The following EML5 variants were observed in gnomAD, a reference collection of about 807,000 sequenced individuals.
The protein encoded by EML5 is echinoderm microtubule-associated protein-like 5.
A neutral mutation model predicts 250.0 loss-of-function variants in EML5; 120 were observed. The observed-to-expected ratio is 0.48, with a 90% CI of 0.41 to 0.56. The LOEUF is 0.56. Among genes scored for constraint, EML5 ranks in the 20% least tolerant of loss-of-function variants. The probability of loss-of-function intolerance (pLI) is 0.00; values close to 1 mark genes in which losing one functional copy is unlikely to be tolerated. For missense variants in EML5, 2,006 were observed against 2,437.6 expected, an observed-to-expected ratio of 0.82 and a Z score of 3.73; for synonymous variants, 771 against 806.5, an observed-to-expected ratio of 0.96 and a Z score of 0.75.
In EML5 at chr14:88,679,069, T is replaced by C. The variant is rs73321685; in HGVS notation, c.3124+2821A>G. On this transcript the variant is annotated intron_variant, in intron 21 of 43. Transcript: ENST00000554922. ...TCACTCCAATCCTCTGCTTCCATCA[T>C]CACGCTGCATTCTCCCAGTGTGTCT... Among the ~76,000 whole-genome samples the C allele has an allele frequency of 1.4e-3, 216 of 151,632 alleles. 2 individuals are homozygous for C. Among genetic ancestry groups the C allele is most frequent in the African/African-American group, 5.1e-3 (212 of 41,296 alleles).
chr14:88,626,956 C>T lies in EML5; in HGVS notation c.4622G>A (p.Gly1541Glu), dbSNP rs1225325668. Residue 1541 changes from glycine (G) to glutamate (E), a missense_variant, in exon 35 of 44, where the codon GGA becomes GAA. By Grantham distance (98) the Gly-to-Glu change is moderately conservative (BLOSUM62 -2). Coordinates refer to ENST00000554922, the MANE Select transcript of EML5 (RefSeq NM_183387.3). ...GGTCCAGAACTTCACATGTTTTACTCCCACTGAGACAAACTGGGTATCTGA... is the reference window on the plus strand; with the variant it reads ...GGTCCAGAACTTCACATGTTTTACTTCCACTGAGACAAACTGGGTATCTGA... The part of the protein sequence containing the change: ...PDSDTQFVSV[G>E]VKHVKFWTLA... The T allele has an allele frequency of 6.2e-7, 1 of 1,613,940 alleles. No individual in the cohort carries two copies. The highest frequency in any genetic ancestry group is 1.7e-5 in the Admixed American group (1 of 60,008).
intron 8 of EML5, 48 bp downstream of exon 8, chr14:88,726,493 G>A: frequency 1.3e-6 from 2 of 1,510,362 alleles, no homozygotes; most frequent in Non-Finnish European, 9.0e-7. Flanking sequence ...CTTATATTCT[G>A]TATCACTGAA....
intron 1 of EML5, among the ~76,000 whole-genome samples, chr14:88,784,564 A>G (rs577057619): frequency 5.2e-4 from 79 of 152,206 alleles, no homozygotes; most frequent in Non-Finnish European, 1.0e-3. Context: ...CTAGACATAT[A>G]CAACCTACCA....
chr14:88,626,694 G>T, intron 35 of EML5, 144 bp downstream of exon 35: 7 of 800,324 alleles, frequency 8.7e-6, no homozygotes, highest in South Asian at 4.2e-5. Flanking sequence ...CTAGATTTTT[G>T]AAAGATGAAA....
intron 28 of EML5, among the ~76,000 whole-genome samples, chr14:88,648,145 G>A (rs2091445436): frequency 6.6e-6 from 1 of 152,070 alleles, no homozygotes; most frequent in African/African-American, 2.4e-5. Flanking sequence ...AATCATGAAA[G>A]TCATTTCATC....
rs1287074306 is a variant in EML5 at position 88,662,397 on chromosome 14, A to C, written c.3499-567T>G. Among the ~76,000 whole-genome samples the C allele has an allele frequency of 7.5e-5, 11 of 146,034 alleles. No individual in the cohort carries two copies. In the Admixed American group the frequency reaches 7.6e-4, roughly 10 times the overall value. On this transcript the variant is annotated intron_variant, in intron 24 of 43. Coordinates refer to ENST00000554922, the MANE Select transcript of EML5 (RefSeq NM_183387.3). ...AGCAAAAACAGTAATCTGCCAACAA[A>C]CTTCTTAGGCATATGGATTCCTAAG...
chr14:88,761,506 G>A (rs879544566), intron 1 of EML5, among the ~76,000 whole-genome samples: 8 of 151,948 alleles, frequency 5.3e-5, no homozygotes, highest in East Asian at 1.9e-4. Flanking sequence ...CAGCTTCATC[G>A]TCCCTGCAAA....
At chr14:88,751,670 A>G (rs2140351491) in intron 2 of EML5, among the ~76,000 whole-genome samples, 1 of 152,316 alleles carries the variant, frequency 6.6e-6, no homozygotes, top group African/African-American at 2.4e-5. Flanking sequence ...TCATGGGCCT[A>G]TATACTCACC....
chr14:88,616,954 C>A, intron 41 of EML5, 75 bp from the exon 42 acceptor site: 1 of 1,421,566 alleles, frequency 7.0e-7, no homozygotes, highest in South Asian at 1.3e-5. Context: ...AGTTTCTTGG[C>A]AATTAATCTC....
chr14:88,705,488 A>G lies in EML5; in HGVS notation c.1926T>C (p.Arg642=). 1.9e-5 allele frequency: 30 copies of G among 1,597,392 alleles called. No individual in the cohort carries two copies. Among genetic ancestry groups the G allele is most frequent in the Non-Finnish European group, 2.6e-5 (30 of 1,170,522 alleles). Reference sequence around the variant, plus strand: ...ATGTGATATGGAAAATTACCTGTCGACGGTAGGTGAGCTGTGTCTCTTGTT... The same window carrying G: ...ATGTGATATGGAAAATTACCTGTCGGCGGTAGGTGAGCTGTGTCTCTTGTT... ...EIEQETQLTY[R]RQVYKEDLPQ... The change falls in exon 12 of 44, where the codon CGT becomes CGC. Residue 642 remains arginine (R), a synonymous_variant. Transcript: ENST00000554922.
At chr14:88,692,213 T>TA (rs2092975419) in intron 17 of EML5, among the ~76,000 whole-genome samples, 1 of 152,060 alleles carries the variant, frequency 6.6e-6, no homozygotes, top group South Asian at 2.1e-4. Context: ...CCATCTCTGC[T>TA]AAAAAATACA....
intron 7 of EML5, among the ~76,000 whole-genome samples, chr14:88,730,546 T>C (rs2093739241): frequency 6.6e-6 from 1 of 152,202 alleles, no homozygotes; most frequent in African/African-American, 2.4e-5. Flanking sequence ...GTTGAGAATA[T>C]TGGGAACACT....
intron 28 of EML5, among the ~76,000 whole-genome samples, chr14:88,648,883 C>A (rs2091482654): frequency 6.6e-6 from 1 of 152,100 alleles, no homozygotes; most frequent in African/African-American, 2.4e-5. Flanking sequence ...TATCTTTGTA[C>A]ACACCACTCT....
chr14:88,616,956 A>T, intron 41 of EML5, 77 bp from the exon 42 acceptor site: 1 of 1,416,108 alleles, frequency 7.1e-7, no homozygotes, highest in Non-Finnish European at 9.8e-7. Context: ...TTTCTTGGCA[A>T]TTAATCTCTA....
At chr14:88,696,180 T>C (rs757035445) in intron 15 of EML5, among the ~76,000 whole-genome samples, 7 of 151,568 alleles carry the variant, frequency 4.6e-5, no homozygotes, top group Non-Finnish European at 8.8e-5. Context: ...TATATATATA[T>C]ATATATTTCC....
At chr14:88,701,307 AAAT>A (rs1276759035) in intron 14 of EML5, among the ~76,000 whole-genome samples, 1 of 152,138 alleles carries the variant, frequency 6.6e-6, no homozygotes, top group Non-Finnish European at 1.5e-5. Flanking sequence ...CTCCCACAAC[AAAT>A]AATTACCTGC....
At chr14:88,660,832 A>G (rs1198092731) in intron 25 of EML5, among the ~76,000 whole-genome samples, 2 of 152,142 alleles carry the variant, frequency 1.3e-5, no homozygotes, top group Admixed American at 1.3e-4. Flanking sequence ...TCAACAAATG[A>G]TGCTGATGAT....
intron 14 of EML5, among the ~76,000 whole-genome samples, chr14:88,699,149 C>T (rs897856122): frequency 6.6e-6 from 1 of 151,946 alleles, no homozygotes. Context: ...TAGGCTTAGC[C>T]TAAGTCTTAA....
At chr14:88,778,616 T>TA (rs1214648781) in intron 1 of EML5, among the ~76,000 whole-genome samples, 1 of 152,040 alleles carries the variant, frequency 6.6e-6, no homozygotes, top group African/African-American at 2.4e-5. Flanking sequence ...CTGTCTCTAC[T>TA]AAAATACAAA....
Sources: gnomAD v4.1 joint callset for allele counts (sites outside exome capture counted in the v4.1 genomes callset) on GRCh38, gnomAD v4.1.1 for gene constraint, MANE v1.5 for transcripts, NCBI Gene and HGNC (gene_info 2026-07-23, HGNC 2026-07-21) for gene names.